SHC4: variants seen among roughly 807,000 people sequenced by gnomAD.
SHC4 encodes SHC-transforming protein 4.
A neutral mutation model predicts 69.4 loss-of-function variants in SHC4; 41 were observed. The observed-to-expected ratio is 0.59, with a 90% confidence interval of 0.46 to 0.77. SHC4 has a LOEUF of 0.77. SHC4 is among the 30% of genes least tolerant of loss of function. The pLI, the probability that SHC4 is intolerant of heterozygous loss-of-function variation, is 0.00. For synonymous variants in SHC4, 318 were observed against 299.3 expected (o/e 1.06, Z -0.64); for missense variants, 777 against 783.8 (o/e 0.99, Z 0.10).
chr15:48,919,017 G>T (rs1284960321), intron 2 of SHC4, among the ~76,000 whole-genome samples: 1 of 152,016 alleles, frequency 6.6e-6, no homozygotes, highest in African/African-American at 2.4e-5. Flanking sequence ...CAAGAAGCTG[G>T]GATGGGGACA....
chr15:48,867,854 C>T lies in SHC4; in HGVS notation c.910G>A (p.Val304Ile). ...SGGDPDTTDY[V>I]AYVAKDPVNQ... Reference sequence around the variant, plus strand: ...ACTGGATCTTTAGCTACGTAGGCAACATAGTCTGTAGTATCCTATAAAAAA... The same window carrying T: ...ACTGGATCTTTAGCTACGTAGGCAATATAGTCTGTAGTATCCTATAAAAAA... Residue 304 changes from valine to isoleucine, a missense_variant, in exon 6 of 12, where the codon GTT becomes ATT. Physicochemically the swap from Val to Ile is conservative, Grantham distance 29 (BLOSUM62 3). Coordinates refer to ENST00000332408, the MANE Select transcript of SHC4 (RefSeq NM_203349.4). 2 of 1,613,426 alleles carry T rather than the reference C, an allele frequency of 1.2e-6. No individual in the cohort carries two copies. Among genetic ancestry groups the T allele is most frequent in the South Asian group, 1.1e-5 (1 of 91,036 alleles).
intron 10 of SHC4, among the ~76,000 whole-genome samples, chr15:48,839,545 C>A (rs2140970742): frequency 1.3e-5 from 2 of 152,370 alleles, no homozygotes; most frequent in South Asian, 2.1e-4. Flanking sequence ...GCTTTCTCCA[C>A]TTCCAGCTCA....
chr15:48,850,430 C>A (rs925342971), intron 9 of SHC4, among the ~76,000 whole-genome samples: 4 of 152,028 alleles, frequency 2.6e-5, no homozygotes, highest in African/African-American at 9.7e-5. Context: ...GAAGTGACTA[C>A]CTTGTAGATG....
At chr15:48,855,572 C>G (rs1291282494) in intron 8 of SHC4, among the ~76,000 whole-genome samples, 1 of 152,086 alleles carries the variant, frequency 6.6e-6, no homozygotes, top group Non-Finnish European at 1.5e-5. Context: ...CTGGACAGAA[C>G]TAGGACACAG....
Position 48,872,159 on chromosome 15 carries a change from T to C in SHC4, c.841-17A>G. 2 of 1,398,478 alleles carry C rather than the reference T, an allele frequency of 1.4e-6. No homozygotes were observed. Among genetic ancestry groups the C allele is most frequent in the South Asian group, 1.2e-5 (1 of 81,296 alleles). The allele number at this position is 1,398,478 out of a possible 1,614,324, so 86.6% of individuals were successfully genotyped here. On this transcript the variant is annotated splice_polypyrimidine_tract_variant and intron_variant, in intron 4 of 11. Coordinates refer to ENST00000332408, the MANE Select transcript of SHC4 (RefSeq NM_203349.4). Reference sequence around the variant, plus strand: ...TGCAATAATCTGAAAAACATAAACATGTATACTAATATAAATTAATTGTTA... The same window carrying C: ...TGCAATAATCTGAAAAACATAAACACGTATACTAATATAAATTAATTGTTA...
intron 1 of SHC4, among the ~76,000 whole-genome samples, chr15:48,931,246 A>T (rs1900959606): frequency 6.6e-6 from 1 of 152,140 alleles, no homozygotes; most frequent in South Asian, 2.1e-4. Flanking sequence ...AAGTATTAAA[A>T]ATTCTGATTC....
intron 1 of SHC4, among the ~76,000 whole-genome samples, chr15:48,955,841 G>A (rs1288242354): frequency 6.6e-6 from 1 of 152,228 alleles, no homozygotes; most frequent in Non-Finnish European, 1.5e-5. Flanking sequence ...AAAATAGAGT[G>A]CTGTACACAG....
At position 48,837,091 on chromosome 15, in the gene SHC4, G is replaced by T. The variant is rs115473394; in HGVS notation, c.1484-2069C>A. 7.4e-3 allele frequency among the ~76,000 whole-genome samples: 1,125 copies of T among 152,276 alleles called. 7 individuals carry two copies. The highest frequency in any genetic ancestry group is 0.023 in the African/African-American group (965 of 41,538). ...AGGAATGCATGCACGCAGTGTGTGG[G>T]TATACACGTCTTAATGCGTGATGGC... On this transcript the variant is annotated intron_variant, in intron 10 of 11. Transcript: ENST00000332408.
chr15:48,837,722 G>A (rs535213972), intron 10 of SHC4, among the ~76,000 whole-genome samples: 7 of 152,188 alleles, frequency 4.6e-5, no homozygotes, highest in Admixed American at 1.3e-4. Flanking sequence ...ATATCATCTT[G>A]GAGTTCCTAT....
At chr15:48,829,900 T>C (rs1259667864) in intron 11 of SHC4, among the ~76,000 whole-genome samples, 3 of 152,242 alleles carry the variant, frequency 2.0e-5, no homozygotes, top group South Asian at 2.1e-4. Context: ...GCCTGGGCAA[T>C]AGAGCGAGAC....
chr15:48,924,595 T>C (rs1854748230), intron 2 of SHC4, among the ~76,000 whole-genome samples: 1 of 152,180 alleles, frequency 6.6e-6, no homozygotes, highest in Non-Finnish European at 1.5e-5. Context: ...CTGCCAGGCA[T>C]AATTTTAAAT....
At chr15:48,870,957 TAAAACAAATGA>T (rs755583914) in intron 5 of SHC4, among the ~76,000 whole-genome samples, 5 of 152,220 alleles carry the variant, frequency 3.3e-5, no homozygotes, top group Non-Finnish European at 5.9e-5. Flanking sequence ...GCAAAAAGTT[TAAAACAAATGA>T]AAACTACCAT....
At chr15:48,871,144 G>A (rs117173199) in intron 5 of SHC4, among the ~76,000 whole-genome samples, 121 of 152,266 alleles carry the variant, frequency 7.9e-4, no homozygotes, top group East Asian at 6.2e-3. Flanking sequence ...GTATTGGTTC[G>A]TTCCTGAAGG....
intron 9 of SHC4, 103 bp from the exon 10 acceptor site, chr15:48,843,691 C>A: frequency 9.2e-7 from 1 of 1,091,050 alleles, no homozygotes; most frequent in South Asian, 1.8e-5. Flanking sequence ...AGGCCATGCC[C>A]CACCCTATAC....
At chr15:48,941,797 A>C (rs939126600) in intron 1 of SHC4, among the ~76,000 whole-genome samples, 5 of 152,134 alleles carry the variant, frequency 3.3e-5, no homozygotes, top group Admixed American at 2.0e-4. Flanking sequence ...TGTTTCATGG[A>C]TATACCGGGT....
chr15:48,919,689 T>C (rs1333037158), intron 2 of SHC4, among the ~76,000 whole-genome samples: 1 of 152,136 alleles, frequency 6.6e-6, no homozygotes, highest in Non-Finnish European at 1.5e-5. Context: ...TTCTTTCAGA[T>C]ACTTTCATGG....
In SHC4 at chr15:48,825,854, A is replaced by C; in HGVS notation, c.*117T>G. On this transcript the variant is annotated 3_prime_UTR_variant, in exon 12 of 12. Coordinates refer to ENST00000332408, the MANE Select transcript of SHC4 (RefSeq NM_203349.4). ...GGACCTGGTCCATGATGGTCTTGGA[A>C]AGATGCACTTCACAGTTTGTGCTCT... 1 of 1,264,860 alleles carries C rather than the reference A, an allele frequency of 7.9e-7. No individual in the cohort carries two copies. Among genetic ancestry groups the C allele is most frequent in the Non-Finnish European group, 1.1e-6 (1 of 917,846 alleles). 78.4% of individuals were successfully genotyped at this position (1,264,860 alleles called of 1,614,324 possible). A position where few individuals can be genotyped will look rare whatever the true frequency, so the allele number is the denominator to read the frequency against.
chr15:48,930,680 C>G (rs764826456), intron 1 of SHC4, among the ~76,000 whole-genome samples: 2 of 152,074 alleles, frequency 1.3e-5, no homozygotes, highest in African/African-American at 2.4e-5. Flanking sequence ...CACTGAAGAA[C>G]AGTATATAAT....
At chr15:48,892,391 T>C (rs1900152967) in intron 2 of SHC4, among the ~76,000 whole-genome samples, 4 of 152,158 alleles carry the variant, frequency 2.6e-5, no homozygotes, top group Admixed American at 2.6e-4. Context: ...AATGGATCTT[T>C]GGTTAGCATA....
Sources: allele counts gnomAD v4.1 joint callset (sites outside exome capture counted in the v4.1 genomes callset), GRCh38; gene constraint gnomAD v4.1.1; transcripts MANE v1.5; gene names NCBI Gene and HGNC (gene_info 2026-07-23, HGNC 2026-07-21).